COL21A1: variants seen among roughly 807,000 people sequenced by gnomAD.
COL21A1 encodes the protein collagen type XXI alpha 1 chain.
In COL21A1, 149 loss-of-function variants were observed where a neutral mutation model predicts 137.9. The observed-to-expected ratio is 1.08, with a 90% confidence interval of 0.95 to 1.24. The LOEUF (loss-of-function observed/expected upper bound fraction) is 1.24, where lower values mean the gene tolerates loss of function less well. COL21A1 is among the 50% of genes most tolerant of loss of function. The pLI is 0.00. For missense variants in COL21A1, 1,167 were observed against 1,158.4 expected, an observed-to-expected ratio of 1.01 and a Z score of -0.11; for synonymous variants, 456 against 391.5, an observed-to-expected ratio of 1.16 and a Z score of -1.95.
chr6:56,059,213 T>A lies in COL21A1; in HGVS notation c.2638A>T (p.Ser880Cys). The change falls in exon 29 of 30, where the codon AGC (serine) becomes TGC (cysteine). Residue 880 changes from serine to cysteine, a missense_variant. Transcript: ENST00000244728. ...GLPGRNGEKG[S>C]QGFGYPGEQG... The stretch of plus-strand genomic sequence containing the variant: ...TCTCCAGGATACCCAAACCCTTGGC[T>A]CCCTTTTTCCCCATTTCTTCCTGGT... 1 of 1,607,160 alleles carries A rather than the reference T, an allele frequency of 6.2e-7. No individual in the cohort carries two copies. The highest frequency in any genetic ancestry group is 8.5e-7 in the Non-Finnish European group (1 of 1,178,016).
chr6:56,062,493 A>T (rs1200380823), intron 24 of COL21A1, among the ~76,000 whole-genome samples: 1 of 152,168 alleles, frequency 6.6e-6, no homozygotes, highest in South Asian at 2.1e-4. Flanking sequence ...AGGAAAAAAG[A>T]TAAAACTTTA....
At chr6:56,097,981 A>G (rs1562189010) in intron 17 of COL21A1, among the ~76,000 whole-genome samples, 2 of 69,416 alleles carry the variant, frequency 2.9e-5, no homozygotes, top group African/African-American at 7.3e-5. Context: ...ATAAATATAT[A>G]TAAATATATA....
At chr6:56,136,542 C>T (rs1268376158) in intron 12 of COL21A1, among the ~76,000 whole-genome samples, 3 of 152,120 alleles carry the variant, frequency 2.0e-5, no homozygotes, top group Non-Finnish European at 4.4e-5. Context: ...CTTTCCAAAC[C>T]TTTCATGGCT....
At chr6:56,306,885 G>T (rs949829689) in intron 1 of COL21A1, among the ~76,000 whole-genome samples, 44 of 152,100 alleles carry the variant, frequency 2.9e-4, no homozygotes, top group African/African-American at 1.1e-3. Flanking sequence ...TGATGGTGAC[G>T]TACAGATGGG....
chr6:56,306,355 C>G (rs1435326769), intron 1 of COL21A1, among the ~76,000 whole-genome samples: 1 of 151,744 alleles, frequency 6.6e-6, no homozygotes, highest in Non-Finnish European at 1.5e-5. Flanking sequence ...CTCCCCGTCA[C>G]TTTCAGGTAC....
intron 1 of COL21A1, among the ~76,000 whole-genome samples, chr6:56,380,999 C>T (rs922758479): frequency 6.6e-6 from 1 of 152,004 alleles, no homozygotes; most frequent in African/African-American, 2.4e-5. Flanking sequence ...ATCTTGTGAC[C>T]AAAGGCTCTC....
chr6:56,062,693 T>C (rs984709170), intron 24 of COL21A1, among the ~76,000 whole-genome samples: 14 of 152,164 alleles, frequency 9.2e-5, no homozygotes, highest in Non-Finnish European at 5.9e-5. Context: ...AAAATCATCA[T>C]AAAACACCAA....
chr6:56,174,450 C>T (rs1211511646), intron 3 of COL21A1, among the ~76,000 whole-genome samples: 2 of 151,648 alleles, frequency 1.3e-5, no homozygotes, highest in Non-Finnish European at 2.9e-5. Flanking sequence ...ACAGAGAAGA[C>T]TCAAAACAGG....
At chr6:56,167,168 T>C (rs1356993636) in intron 6 of COL21A1, among the ~76,000 whole-genome samples, 185 bp from the exon 7 acceptor site, 1 of 152,220 alleles carries the variant, frequency 6.6e-6, no homozygotes, top group Non-Finnish European at 1.5e-5. Context: ...TGATGCAACA[T>C]AACTACTAAA....
chr6:56,344,378 G>A (rs1765540639), intron 1 of COL21A1, among the ~76,000 whole-genome samples: 1 of 152,104 alleles, frequency 6.6e-6, no homozygotes, highest in Non-Finnish European at 1.5e-5. Flanking sequence ...AAAGAAAAGA[G>A]ATGTTTTACA....
intron 1 of COL21A1, among the ~76,000 whole-genome samples, chr6:56,339,035 G>A (rs943006902): frequency 3.3e-5 from 5 of 152,134 alleles, no homozygotes; most frequent in Admixed American, 2.6e-4. Context: ...CTACTCTGTA[G>A]CATGTATGAA....
chr6:56,347,114 G>A (rs555130414), intron 1 of COL21A1, among the ~76,000 whole-genome samples: 7 of 152,252 alleles, frequency 4.6e-5, no homozygotes, highest in Admixed American at 2.0e-4. Flanking sequence ...AGAATGATGC[G>A]CTCTGTCGGG....
intron 1 of COL21A1, among the ~76,000 whole-genome samples, chr6:56,203,300 C>T (rs1779526960): frequency 6.6e-6 from 1 of 152,058 alleles, no homozygotes; most frequent in South Asian, 2.1e-4. Flanking sequence ...ACAGTGTTAG[C>T]ATATCCAAGG....
chr6:56,308,766 T>C (rs1451826513), intron 1 of COL21A1, among the ~76,000 whole-genome samples: 1 of 152,152 alleles, frequency 6.6e-6, no homozygotes, highest in Non-Finnish European at 1.5e-5. Flanking sequence ...TAAAGCTCAA[T>C]TTCTCAGTTG....
At chr6:56,178,359 A>G (rs1777644860) in intron 3 of COL21A1, among the ~76,000 whole-genome samples, 1 of 152,154 alleles carries the variant, frequency 6.6e-6, no homozygotes, top group South Asian at 2.1e-4. Flanking sequence ...GGTGATTTGT[A>G]CTTATTACAG....
At chr6:56,268,858 A>T (rs957868163) in intron 1 of COL21A1, among the ~76,000 whole-genome samples, 5 of 152,210 alleles carry the variant, frequency 3.3e-5, no homozygotes, top group Non-Finnish European at 7.3e-5. Context: ...GAAAGTTGAA[A>T]CTCAATACAA....
chr6:56,201,138 T>C (rs1265379442), intron 1 of COL21A1, among the ~76,000 whole-genome samples: 1 of 152,172 alleles, frequency 6.6e-6, no homozygotes, highest in African/African-American at 2.4e-5. Context: ...TTTGCCCACT[T>C]TTTGATGGGG....
chr6:56,189,635 C>T (rs1046297681), intron 1 of COL21A1, among the ~76,000 whole-genome samples: 2 of 152,032 alleles, frequency 1.3e-5, no homozygotes, highest in Admixed American at 1.3e-4. Context: ...AAAGATACTC[C>T]TCGAGAAGAG....
At chr6:56,232,459 C>A (rs1781627294) in intron 1 of COL21A1, among the ~76,000 whole-genome samples, 1 of 151,782 alleles carries the variant, frequency 6.6e-6, no homozygotes, top group African/African-American at 2.4e-5. Flanking sequence ...TGTATAAACT[C>A]AAGACAGTAT....
Sources: gnomAD v4.1 joint callset for allele counts (sites outside exome capture counted in the v4.1 genomes callset) on GRCh38, gnomAD v4.1.1 for gene constraint, MANE v1.5 for transcripts, NCBI Gene and HGNC (gene_info 2026-07-23, HGNC 2026-07-21) for gene names.